PITPNM3: variants seen among roughly 807,000 people sequenced by gnomAD.
PITPNM3 encodes the protein PITPNM family member 3, also known as membrane-associated phosphatidylinositol transfer protein 3.
Under a neutral mutation model 102.0 loss-of-function variants are expected in PITPNM3, and 26 were observed. The observed-to-expected ratio is 0.25, with a 90% CI of 0.19 to 0.35. The LOEUF is 0.35. Ranked by LOEUF, PITPNM3 falls within the 10% of genes least tolerant of loss-of-function variation. PITPNM3 has a pLI of 1.00. For missense variants in PITPNM3, 1,083 were observed against 1,346.1 expected (o/e 0.80, Z 3.06); for synonymous variants, 578 against 558.6 (o/e 1.03, Z -0.49).
intron 2 of PITPNM3, among the ~76,000 whole-genome samples, chr17:6,530,041 C>A (rs1456768144): frequency 2.0e-5 from 3 of 152,210 alleles, no homozygotes; most frequent in Non-Finnish European, 2.9e-5. Context: ...CGGTGACATC[C>A]TTCCACTCCC....
chr17:6,509,085 G>A (rs1014155592), intron 3 of PITPNM3, among the ~76,000 whole-genome samples: 1 of 152,206 alleles, frequency 6.6e-6, no homozygotes, highest in Non-Finnish European at 1.5e-5. Context: ...GGGCTACAAG[G>A]AACTGGGAAG....
At chr17:6,491,836 T>TATATATATATATATATATATATA in intron 4 of PITPNM3, among the ~76,000 whole-genome samples, 1 of 139,288 alleles carries the variant, frequency 7.2e-6, no homozygotes, top group South Asian at 2.3e-4. Context: ...TATATATATA[T>TATATATATATATATATATATATA]AATAAAGAAT....
chr17:6,520,987 G>GAAAA (rs1908474298), intron 3 of PITPNM3: 1 of 152,564 alleles, frequency 6.6e-6, no homozygotes, highest in Admixed American at 6.5e-5. Flanking sequence ...CTGGGGAAAG[G>GAAAA]AAAATGGGGA....
At chr17:6,510,581 G>T (rs1460988542) in intron 3 of PITPNM3, among the ~76,000 whole-genome samples, 2 of 152,268 alleles carry the variant, frequency 1.3e-5, no homozygotes, top group Non-Finnish European at 1.5e-5. Context: ...CCCCTGCAGT[G>T]ACCAGCACAG....
rs1184730516 is a variant in PITPNM3 at position 6,470,262 on chromosome 17, G to A, written c.1771C>T (p.Gln591Ter). Residue 591 changes from glutamine (Q) to a stop codon, truncating the protein, a stop_gained and splice_region_variant, in exon 13 of 20, where the codon CAG becomes TAG. Coordinates refer to ENST00000262483, the MANE Select transcript of PITPNM3 (RefSeq NM_031220.4). LOFTEE classifies it high-confidence loss of function. This position sits in a 1 kb window ranked among gnomAD's most constrained non-coding sequence, Gnocchi z 4.8. ...GCCCGCGACTGCGGCAGCAGTACCT[G>A]TCTCAGGATGAAGGCCACCACGTCT... ...STDVVAFILR[Q>*]VMRYESVNIK... The A allele has an allele frequency of 6.2e-7, 1 of 1,605,584 alleles. No individual in the cohort carries two copies. The highest frequency in any genetic ancestry group is 8.5e-7 in the Non-Finnish European group (1 of 1,176,098).
intron 2 of PITPNM3, among the ~76,000 whole-genome samples, chr17:6,534,823 A>G (rs1411695794): frequency 6.6e-6 from 1 of 152,136 alleles, no homozygotes; most frequent in Non-Finnish European, 1.5e-5. Context: ...GGTTATGGGC[A>G]GAGGAGGGAG....
chr17:6,517,687 A>G lies in PITPNM3; in HGVS notation c.226+7669T>C, dbSNP rs1908266723. ...CAACCCTCTCACCTCAGCCTCCAGAATAACTGGGAACACAGGCACATGCCA... is the reference window on the plus strand; with the variant it reads ...CAACCCTCTCACCTCAGCCTCCAGAGTAACTGGGAACACAGGCACATGCCA... On this transcript the variant is annotated intron_variant, in intron 3 of 19. Coordinates refer to ENST00000262483, the MANE Select transcript of PITPNM3 (RefSeq NM_031220.4). The surrounding 1 kb of genome is among the most constrained non-coding windows in gnomAD (Gnocchi z 4.1). Among the ~76,000 whole-genome samples, 1 of 152,152 alleles carries G rather than the reference A, an allele frequency of 6.6e-6. No homozygotes were observed. The highest frequency in any genetic ancestry group is 1.5e-5 in the Non-Finnish European group (1 of 68,018).
At chr17:6,536,395 A>C (rs1219572582) in intron 2 of PITPNM3, among the ~76,000 whole-genome samples, 2 of 152,232 alleles carry the variant, frequency 1.3e-5, no homozygotes. Context: ...CCAAGCATCA[A>C]AATATTGAAG....
chr17:6,464,798 A>G, intron 14 of PITPNM3, 27 bp from the exon 15 acceptor site: 1 of 1,610,022 alleles, frequency 6.2e-7, no homozygotes, highest in Non-Finnish European at 8.5e-7. Context: ...AAGCTGGCTC[A>G]GCCCTTGCAA....
In PITPNM3 at chr17:6,518,246, G is replaced by A. The variant is rs115568925; in HGVS notation, c.226+7110C>T. ...CAGCTCTTTGGGTAAAGAGGAGAACGTGGAGGTTTTGAACTATGTAGACAT... is the reference window on the plus strand; with the variant it reads ...CAGCTCTTTGGGTAAAGAGGAGAACATGGAGGTTTTGAACTATGTAGACAT... On this transcript the variant is annotated intron_variant, in intron 3 of 19. Coordinates refer to ENST00000262483, the MANE Select transcript of PITPNM3 (RefSeq NM_031220.4). Among the ~76,000 whole-genome samples, 192 of 152,274 alleles carry A rather than the reference G, an allele frequency of 1.3e-3. 1 individual carries two copies. Among genetic ancestry groups the A allele is most frequent in the African/African-American group, 4.4e-3 (183 of 41,562 alleles).
At chr17:6,535,910 A>G (rs1157250010) in intron 2 of PITPNM3, among the ~76,000 whole-genome samples, 11 of 152,014 alleles carry the variant, frequency 7.2e-5, no homozygotes, top group Non-Finnish European at 1.5e-4. Context: ...CTACAAAAAA[A>G]AAAATTGGTC....
intron 4 of PITPNM3, among the ~76,000 whole-genome samples, chr17:6,494,054 C>G (rs1229070671): frequency 6.6e-6 from 1 of 152,228 alleles, no homozygotes; most frequent in Non-Finnish European, 1.5e-5. Flanking sequence ...AGCCCTAAGA[C>G]TGGTCCTGAG....
At position 6,463,764 on chromosome 17, in the gene PITPNM3, G is replaced by C; in HGVS notation, c.2274C>G (p.Pro758=). The C allele has an allele frequency of 6.2e-7, 1 of 1,612,100 alleles. No homozygotes were observed. Residue 758 remains proline, a synonymous_variant, in exon 17 of 20, where the codon CCC becomes CCG. Transcript: ENST00000262483. ...AASVSIMGSD[P]KVRPGAVDVV... is the part of the protein sequence containing the mutation. ...CATCCACTGCACCCGGCCGGACCTT[G>C]GGGTCGCTTCCCATGATAGACACGC...
Position 6,469,451 on chromosome 17 carries a change from G to C in PITPNM3, c.1773+809C>G, listed in dbSNP as rs12450677. ...CTACAAACAAAACTCACTTTCCTCC[G>C]CCCCCTGCCCAGCCCTGCTCTTCCG... On this transcript the variant is annotated intron_variant, in intron 13 of 19. Coordinates refer to ENST00000262483, the MANE Select transcript of PITPNM3 (RefSeq NM_031220.4). This position sits in a 1 kb window ranked among gnomAD's most constrained non-coding sequence, Gnocchi z 4.0. Among the ~76,000 whole-genome samples the C allele has an allele frequency of 1.4e-5, 2 of 143,546 alleles. No individual in the cohort carries two copies. The highest frequency in any genetic ancestry group is 2.7e-5 in the African/African-American group (1 of 37,012). The allele number at this position is 143,546 out of a possible 152,430, so 94.2% of individuals were successfully genotyped here.
intron 1 of PITPNM3, among the ~76,000 whole-genome samples, chr17:6,546,864 G>A (rs1015909554): frequency 6.6e-6 from 1 of 152,206 alleles, no homozygotes; most frequent in Non-Finnish European, 1.5e-5. Flanking sequence ...AAATTAGCCA[G>A]GCATGGTGGC....
intron 3 of PITPNM3, 82 bp downstream of exon 3, chr17:6,525,274 C>T (rs1378358315): frequency 3.9e-6 from 5 of 1,276,574 alleles, no homozygotes; most frequent in Non-Finnish European, 4.6e-6. Context: ...GGCCCAAGCC[C>T]CAGCCCCAGT....
intron 2 of PITPNM3, among the ~76,000 whole-genome samples, chr17:6,525,864 G>A (rs1177685836): frequency 1.3e-5 from 2 of 152,190 alleles, no homozygotes; most frequent in Non-Finnish European, 2.9e-5. Context: ...TCACTAAAAT[G>A]GATCTGGCCA....
intron 1 of PITPNM3, among the ~76,000 whole-genome samples, chr17:6,555,736 G>C (rs541199254): frequency 6.6e-6 from 1 of 152,328 alleles, no homozygotes; most frequent in East Asian, 1.9e-4. Flanking sequence ...ACTAATGCCC[G>C]CTCCCTCAAA....
intron 4 of PITPNM3, among the ~76,000 whole-genome samples, chr17:6,497,063 C>T (rs1043002746): frequency 2.6e-5 from 4 of 152,136 alleles, no homozygotes; most frequent in Admixed American, 6.5e-5. Context: ...CCAAGGCGGA[C>T]GTCTGCCACC....
Sources: gnomAD v4.1 joint callset for allele counts (sites outside exome capture counted in the v4.1 genomes callset) on GRCh38, gnomAD v4.1.1 for gene constraint, Gnocchi (gnomAD v3.1) non-coding constraint, MANE v1.5 for transcripts, NCBI Gene and HGNC (gene_info 2026-07-23, HGNC 2026-07-21) for gene names.